Variants in GAD1 observed in about 807,000 individuals in gnomAD.
GAD1 encodes glutamate decarboxylase 1, also known as 67 kDa glutamic acid decarboxylase.
GAD1 carries 35 observed loss-of-function variants against 75.2 expected under a neutral mutation model. The observed-to-expected ratio is 0.47, with a 90% CI of 0.36 to 0.62. GAD1 has a LOEUF of 0.62. Among genes scored for constraint, GAD1 ranks in the 20% least tolerant of loss-of-function variants. The probability of loss-of-function intolerance (pLI) is 0.00; values close to 1 mark genes in which losing one functional copy is unlikely to be tolerated. For synonymous variants in GAD1, 257 were observed against 271.9 expected (o/e 0.95, Z 0.54); for missense variants, 490 against 758.5 (o/e 0.65, Z 4.16).
intron 6 of GAD1, among the ~76,000 whole-genome samples, chr2:170,842,064 C>T (rs1702529421): frequency 6.6e-6 from 1 of 152,206 alleles, no homozygotes; most frequent in Non-Finnish European, 1.5e-5. Context: ...ATCAGTTAAG[C>T]TCATGATAAA....
At chr2:170,852,838 G>C (rs979466174) in intron 13 of GAD1, 46 bp downstream of exon 13, 10 of 1,558,506 alleles carry the variant, frequency 6.4e-6, no homozygotes, top group African/African-American at 1.4e-5. Context: ...ACGTTCTTTA[G>C]AAAGCACAAA....
At chr2:170,848,636 T>G in intron 11 of GAD1, 1 of 501,728 alleles carries the variant, frequency 2.0e-6, no homozygotes, top group Non-Finnish European at 4.0e-6. Context: ...TTCACATGTG[T>G]GACTGGGTGT....
Position 170,845,814 on chromosome 2 carries a change from C to T in GAD1, c.947+29C>T, listed in dbSNP as rs766855756. 4 of 1,596,968 alleles carry T rather than the reference C, an allele frequency of 2.5e-6. No homozygotes were observed. The African/African-American group carries it at 5.4e-5, about 21-fold the overall frequency. ...GGCAGGGGAGGGTGAATATTAGGTT[C>T]TTGATGTATTAAATGTGTTCATCTG... On this transcript the variant is annotated intron_variant, in intron 9 of 16. Coordinates refer to ENST00000358196, the MANE Select transcript of GAD1 (RefSeq NM_000817.3).
intron 6 of GAD1, among the ~76,000 whole-genome samples, chr2:170,843,099 A>G (rs1198561434): frequency 6.6e-6 from 1 of 152,234 alleles, no homozygotes; most frequent in Non-Finnish European, 1.5e-5. Context: ...AAAGACAAAA[A>G]GCCTCAGAGC....
intron 6 of GAD1, among the ~76,000 whole-genome samples, chr2:170,838,223 C>T (rs560072295): frequency 6.6e-6 from 1 of 152,324 alleles, no homozygotes; most frequent in African/African-American, 2.4e-5. Flanking sequence ...GTTAGCTTCA[C>T]AGACTGTCCA....
At chr2:170,821,892 A>G in intron 2 of GAD1, 195 bp from the exon 3 acceptor site, 2 of 596,606 alleles carry the variant, frequency 3.4e-6, no homozygotes, top group Non-Finnish European at 6.0e-6. Flanking sequence ...AGGAGCAGGA[A>G]GGGAGTATGA....
rs1702865316 is a variant in GAD1, at chr2:170,856,923, T to C, written c.1414-95T>C. ...CCTAACCAGCTCCAAAAATACTTTTTTTGTTTATTTCCCATAGACAGGGAC... is the reference window on the plus strand; with the variant it reads ...CCTAACCAGCTCCAAAAATACTTTTCTTGTTTATTTCCCATAGACAGGGAC... On this transcript the variant is annotated intron_variant, in intron 14 of 16. Coordinates refer to ENST00000358196, the MANE Select transcript of GAD1 (RefSeq NM_000817.3). 4.1e-6 allele frequency: 4 copies of C among 977,536 alleles called. No individual in the cohort carries two copies. The South Asian group carries it at 5.1e-5, about 13-fold the overall frequency. 60.6% of individuals were successfully genotyped at this position (977,536 alleles called of 1,614,324 possible). A position where few individuals can be genotyped will look rare whatever the true frequency, so the allele number is the denominator to read the frequency against.
intron 6 of GAD1, chr2:170,842,834 A>G: frequency 1.9e-6 from 2 of 1,033,650 alleles, no homozygotes; most frequent in South Asian, 1.7e-5. Flanking sequence ...TTCATCCACA[A>G]TTAAAACTTA....
At chr2:170,857,438 G>C (rs947188975) in intron 15 of GAD1, among the ~76,000 whole-genome samples, 2 of 151,872 alleles carry the variant, frequency 1.3e-5, no homozygotes, top group African/African-American at 4.8e-5. Flanking sequence ...GTTTTGTGTT[G>C]AACCTTTATG....
chr2:170,829,403 T>C, intron 3 of GAD1, 72 bp from the exon 4 acceptor site: 3 of 1,526,862 alleles, frequency 2.0e-6, no homozygotes, highest in South Asian at 1.1e-5. Context: ...GGAGAGTTGA[T>C]TCACTCTGCA....
chr2:170,854,060 T>C, intron 14 of GAD1, 38 bp downstream of exon 14: 1 of 1,612,974 alleles, frequency 6.2e-7, no homozygotes, highest in South Asian at 1.1e-5. Flanking sequence ...AGCAGAAATG[T>C]AATTTGCACA....
rs564980163 is a variant in GAD1 at position 170,859,587 on chromosome 2, A to T, written c.1612-122A>T. ...AGCCCCTGAAGATTCCTGGATATGAAATATTTCTTTGCTTTTATGTCAATG... is the reference window on the plus strand; with the variant it reads ...AGCCCCTGAAGATTCCTGGATATGATATATTTCTTTGCTTTTATGTCAATG... On this transcript the variant is annotated intron_variant, in intron 16 of 16. Coordinates refer to ENST00000358196, the MANE Select transcript of GAD1 (RefSeq NM_000817.3). The T allele has an allele frequency of 1.2e-4, 123 of 1,002,546 alleles. 1 individual carries two copies. In the South Asian group the frequency reaches 1.7e-3, roughly 14 times the overall value. The allele number at this position is 1,002,546 out of a possible 1,614,324, so 62.1% of individuals were successfully genotyped here.
rs746374864 is a variant in GAD1 at position 170,859,877 on chromosome 2, C to T, written c.1780C>T (p.Leu594=). The change falls in exon 17 of 17, where the codon CTG becomes TTG. Residue 594 remains leucine, a synonymous_variant. Coordinates refer to ENST00000358196, the MANE Select transcript of GAD1 (RefSeq NM_000817.3). ...GGAGATAGAAAGACTGGGCCAGGAT[C>T]TGTAATCATCCTTCGCAGAACATGA... The part of the protein sequence containing the change: ...IEEIERLGQD[L] The T allele has an allele frequency of 3.1e-6, 5 of 1,614,028 alleles. No homozygotes were observed. The highest frequency in any genetic ancestry group is 4.2e-6 in the Non-Finnish European group (5 of 1,179,948).
Position 170,853,172 on chromosome 2 carries a change from C to T in GAD1, c.1263+380C>T. On this transcript the variant is annotated intron_variant, in intron 13 of 16. Transcript: ENST00000358196. This position sits in a 1 kb window ranked among gnomAD's most constrained non-coding sequence, Gnocchi z 4.1. Reference sequence around the variant, plus strand: ...GCATACTCGGAGTTCTTAGTATAAACGTGTGGTCCCAAGAACTGAAATAAA... The same window carrying T: ...GCATACTCGGAGTTCTTAGTATAAATGTGTGGTCCCAAGAACTGAAATAAA... 3.4e-6 allele frequency: 1 copy of T among 294,558 alleles called. No homozygotes were observed. Among genetic ancestry groups the T allele is most frequent in the Non-Finnish European group, 6.5e-6 (1 of 152,696 alleles). 18.2% of individuals were successfully genotyped at this position (294,558 alleles called of 1,614,324 possible). A position where few individuals can be genotyped will look rare whatever the true frequency, so the allele number is the denominator to read the frequency against.
intron 3 of GAD1, among the ~76,000 whole-genome samples, chr2:170,825,533 C>A (rs538059386): frequency 1.3e-5 from 2 of 152,248 alleles, no homozygotes; most frequent in Non-Finnish European, 2.9e-5. Flanking sequence ...CCATACACAG[C>A]TCAAAGCCCC....
intron 5 of GAD1, among the ~76,000 whole-genome samples, chr2:170,832,719 A>G (rs970196830): frequency 6.6e-6 from 1 of 151,204 alleles, no homozygotes; most frequent in Non-Finnish European, 1.5e-5. Context: ...TTCTCATTCT[A>G]CTGCAACTTC....
At chr2:170,817,947 T>C (rs961722268) in intron 1 of GAD1, 5 of 153,428 alleles carry the variant, frequency 3.3e-5, no homozygotes, top group African/African-American at 1.2e-4. Flanking sequence ...CGTAAAGATA[T>C]GGGCCTTTTT....
chr2:170,838,473 T>C (rs1458600734), intron 6 of GAD1, among the ~76,000 whole-genome samples: 1 of 152,210 alleles, frequency 6.6e-6, no homozygotes, highest in African/African-American at 2.4e-5. Flanking sequence ...ATAGTTGTTG[T>C]TTTTAACTCA....
chr2:170,816,461 C>T (rs1701698966), upstream of GAD1: 1 of 151,840 alleles, frequency 6.6e-6, no homozygotes, highest in Admixed American at 6.6e-5. Flanking sequence ...GGGAAAAGCA[C>T]TGAGGCAAAA....
Sources: gnomAD v4.1 joint callset for allele counts (sites outside exome capture counted in the v4.1 genomes callset) on GRCh38, gnomAD v4.1.1 for gene constraint, Gnocchi (gnomAD v3.1) non-coding constraint, MANE v1.5 for transcripts, NCBI Gene and HGNC (gene_info 2026-07-23, HGNC 2026-07-21) for gene names.